CCDC171: variants seen among roughly 807,000 people sequenced by gnomAD.
CCDC171 encodes coiled-coil domain-containing protein 171.
CCDC171 carries 177 observed loss-of-function variants against 168.2 expected under a neutral mutation model. The observed-to-expected ratio is 1.05, with a 90% CI of 0.93 to 1.19. The LOEUF (loss-of-function observed/expected upper bound fraction) is 1.19. Among genes scored for constraint, CCDC171 ranks in the 50% most tolerant of loss-of-function variants. The probability of loss-of-function intolerance (pLI) is 0.00; values close to 1 mark genes in which losing one functional copy is unlikely to be tolerated. For synonymous variants in CCDC171, 687 were observed against 540.8 expected, an observed-to-expected ratio of 1.27 and a Z score of -3.75; for missense variants, 1,991 against 1,539.0, an observed-to-expected ratio of 1.29 and a Z score of -4.91.
intron 18 of CCDC171, among the ~76,000 whole-genome samples, chr9:15,760,099 T>C (rs1362140609): frequency 6.6e-6 from 1 of 152,162 alleles, no homozygotes; most frequent in African/African-American, 2.4e-5. Context: ...GGCAGAAGTA[T>C]GTTTTTATCT....
chr9:15,896,465 A>T (rs898398417), intron 24 of CCDC171, among the ~76,000 whole-genome samples: 10 of 152,054 alleles, frequency 6.6e-5, no homozygotes, highest in Non-Finnish European at 1.3e-4. Flanking sequence ...AGTCAAGTCC[A>T]GGGCCATTTC....
At chr9:16,009,692 A>C (rs532900447) in intron 3 of CCDC171, among the ~76,000 whole-genome samples, 4 of 152,214 alleles carry the variant, frequency 2.6e-5, no homozygotes, top group African/African-American at 9.6e-5. Flanking sequence ...TGCCTTTAAC[A>C]AGAATGATGT....
intron 25 of CCDC171, among the ~76,000 whole-genome samples, chr9:15,967,684 A>G (rs1269027328): frequency 6.6e-6 from 1 of 152,210 alleles, no homozygotes; most frequent in Non-Finnish European, 1.5e-5. Context: ...GTCAGATTGT[A>G]AAAGAACTGT....
the CCDC171 span, among the ~76,000 whole-genome samples, chr9:16,084,126 T>A: frequency 6.6e-6 from 1 of 152,214 alleles, no homozygotes; most frequent in Non-Finnish European, 1.5e-5. Flanking sequence ...CTATTAACGT[T>A]TGAAATCTGT....
rs540335872 is a variant in CCDC171, at chr9:15,671,616, T to G, written c.1076+5293T>G. On this transcript the variant is annotated intron_variant, in intron 9 of 25. Transcript: ENST00000380701. ...GAGTGACAACATGCAGTGTTTGGTT[T>G]TCTGTCCTTGTGATAGTTTGCTCAG... Among the ~76,000 whole-genome samples the G allele has an allele frequency of 2.6e-5, 4 of 152,166 alleles. No individual in the cohort carries two copies. The South Asian group carries it at 8.3e-4, about 32-fold the overall frequency.
At chr9:15,649,936 A>G (rs2132750438) in intron 7 of CCDC171, among the ~76,000 whole-genome samples, 1 of 152,312 alleles carries the variant, frequency 6.6e-6, no homozygotes, top group East Asian at 1.9e-4. Flanking sequence ...GCTGCTATAA[A>G]GACACAGGCA....
rs2057166284 is a variant in CCDC171, at chr9:15,774,129, C to T, written c.2672-3471C>T. Among the ~76,000 whole-genome samples the T allele has an allele frequency of 2.6e-5, 4 of 151,408 alleles. No homozygotes were observed. In the South Asian group the frequency reaches 8.4e-4, roughly 32 times the overall value. On this transcript the variant is annotated intron_variant, in intron 18 of 25. Coordinates refer to ENST00000380701, the MANE Select transcript of CCDC171 (RefSeq NM_173550.4). ...GGTGTGGTGGTGGGCATCTGTAACCCCAGCTACTCGGGAGGCTGAAGTGAG... is the reference window on the plus strand; with the variant it reads ...GGTGTGGTGGTGGGCATCTGTAACCTCAGCTACTCGGGAGGCTGAAGTGAG...
At chr9:15,667,720 A>G (rs1388276942) in intron 9 of CCDC171, among the ~76,000 whole-genome samples, 1 of 152,224 alleles carries the variant, frequency 6.6e-6, no homozygotes, top group African/African-American at 2.4e-5. Context: ...AATAGCGGTA[A>G]TTTTTGTGAG....
intron 3 of CCDC171, among the ~76,000 whole-genome samples, chr9:15,983,433 G>A (rs1355165855): frequency 6.6e-6 from 1 of 151,508 alleles, no homozygotes; most frequent in Non-Finnish European, 1.5e-5. Context: ...GTAATATGCA[G>A]TATTTCCCAT....
intron 5 of CCDC171, among the ~76,000 whole-genome samples, chr9:15,593,628 A>G (rs1042250110): frequency 6.6e-6 from 1 of 152,130 alleles, no homozygotes; most frequent in African/African-American, 2.4e-5. Context: ...GATCACAGGT[A>G]GAGATTTCCA....
intron 23 of CCDC171, among the ~76,000 whole-genome samples, chr9:15,857,098 T>C (rs548935989): frequency 9.2e-5 from 14 of 152,154 alleles, no homozygotes; most frequent in African/African-American, 3.4e-4. Flanking sequence ...AGTTTAGAAA[T>C]TAACCTCTTA....
At chr9:15,704,867 C>T (rs1264627971) in intron 11 of CCDC171, among the ~76,000 whole-genome samples, 2 of 151,998 alleles carry the variant, frequency 1.3e-5, no homozygotes, top group Non-Finnish European at 2.9e-5. Flanking sequence ...TGCCTCTAAC[C>T]CTGGCCTTCT....
chr9:15,930,719 G>A (rs980300579), intron 25 of CCDC171, among the ~76,000 whole-genome samples: 1 of 151,606 alleles, frequency 6.6e-6, no homozygotes, highest in African/African-American at 2.4e-5. Flanking sequence ...TCAAAAATGT[G>A]TTTCCTTGAA....
At chr9:15,915,822 G>A (rs114081111) in intron 24 of CCDC171, among the ~76,000 whole-genome samples, 1 of 152,010 alleles carries the variant, frequency 6.6e-6, no homozygotes, top group African/African-American at 2.4e-5. Context: ...TTATCATGAT[G>A]GTATACTGAA....
chr9:15,957,472 A>G (rs753039588), intron 25 of CCDC171, among the ~76,000 whole-genome samples: 81 of 152,160 alleles, frequency 5.3e-4, no homozygotes, highest in Non-Finnish European at 2.2e-4. Flanking sequence ...TTTACACTGT[A>G]TATGTCAACT....
At chr9:15,756,703 A>T (rs2056139698) in intron 18 of CCDC171, among the ~76,000 whole-genome samples, 1 of 152,204 alleles carries the variant, frequency 6.6e-6, no homozygotes. Context: ...CTATGTCCCC[A>T]CCCAAATCTC....
At chr9:15,918,093 C>G (rs1476573684) in intron 24 of CCDC171, among the ~76,000 whole-genome samples, 2 of 151,550 alleles carry the variant, frequency 1.3e-5, no homozygotes, top group Non-Finnish European at 3.0e-5. Context: ...GATTTGTATC[C>G]TGACCATTGT....
intron 21 of CCDC171, among the ~76,000 whole-genome samples, chr9:15,831,746 T>C (rs1002774120): frequency 2.0e-5 from 3 of 151,580 alleles, no homozygotes; most frequent in Admixed American, 1.3e-4. Flanking sequence ...CTTTGTAATA[T>C]TATTGAGTCA....
downstream of CCDC171, among the ~76,000 whole-genome samples, chr9:16,065,711 C>G (rs141617384): frequency 2.1e-3 from 314 of 152,038 alleles, 1 homozygote; most frequent in African/African-American, 7.4e-3. Context: ...GCCACTTGTC[C>G]CTGGGTTGGC....
Sources: gnomAD v4.1 joint callset for allele counts (sites outside exome capture counted in the v4.1 genomes callset) on GRCh38, gnomAD v4.1.1 for gene constraint, MANE v1.5 for transcripts, NCBI Gene and HGNC (gene_info 2026-07-23, HGNC 2026-07-21) for gene names.